Variants in APBB2 observed in about 807,000 individuals in gnomAD.
APBB2 encodes the protein amyloid beta precursor protein binding family B member 2.
APBB2 carries 38 observed loss-of-function variants against 82.5 expected under a neutral mutation model. The observed-to-expected ratio is 0.46, with a 90% CI of 0.36 to 0.60. The LOEUF (loss-of-function observed/expected upper bound fraction) is 0.60, where lower values mean the gene tolerates loss of function less well. APBB2 is among the 20% of genes least tolerant of loss of function. APBB2 has a pLI of 0.00. For missense variants in APBB2, 772 were observed against 972.3 expected (o/e 0.79, Z 2.74); for synonymous variants, 341 against 368.2 (o/e 0.93, Z 0.85).
chr4:40,879,133 G>A (rs910730125), intron 12 of APBB2, among the ~76,000 whole-genome samples: 4 of 148,168 alleles, frequency 2.7e-5, no homozygotes, highest in Admixed American at 6.8e-5. Context: ...GTGCTGCTCC[G>A]AGGGACTGCA....
chr4:41,021,228 T>A (rs1406726048), intron 5 of APBB2, among the ~76,000 whole-genome samples: 1 of 152,100 alleles, frequency 6.6e-6, no homozygotes, highest in African/African-American at 2.4e-5. Flanking sequence ...CCTAAAGAGT[T>A]CCCCTCTGGA....
chr4:41,207,833 T>C (rs1228168557), intron 1 of APBB2: 1 of 152,154 alleles, frequency 6.6e-6, no homozygotes, highest in African/African-American at 2.4e-5. Flanking sequence ...ATTCCCAGAC[T>C]TACCAATTTC....
chr4:41,060,462 G>T (rs1729414524), intron 4 of APBB2, among the ~76,000 whole-genome samples: 1 of 152,070 alleles, frequency 6.6e-6, no homozygotes, highest in African/African-American at 2.4e-5. Context: ...CTCAGTCGTG[G>T]CTGGCACAGG....
At chr4:41,151,819 A>G (rs1056818935) in intron 1 of APBB2, among the ~76,000 whole-genome samples, 5 of 150,714 alleles carry the variant, frequency 3.3e-5, no homozygotes, top group Non-Finnish European at 7.4e-5. Flanking sequence ...TCTAGTATGA[A>G]TTTTTTTATT....
chr4:40,901,441 G>C (rs1252432408), intron 10 of APBB2, among the ~76,000 whole-genome samples: 1 of 152,066 alleles, frequency 6.6e-6, no homozygotes, highest in East Asian at 1.9e-4. Context: ...AGAGCCTGGT[G>C]GGGGTGGGGG....
At chr4:41,029,378 A>C (rs1352798285) in intron 5 of APBB2, among the ~76,000 whole-genome samples, 1 of 152,248 alleles carries the variant, frequency 6.6e-6, no homozygotes, top group African/African-American at 2.4e-5. Context: ...GTTATCAATA[A>C]GGCAGCTTGG....
intron 12 of APBB2, among the ~76,000 whole-genome samples, chr4:40,870,796 G>C (rs143814671): frequency 6.8e-6 from 1 of 146,934 alleles, no homozygotes; most frequent in East Asian, 2.0e-4. Context: ...GCAGTGGCAC[G>C]ATCCCGGCTC....
intron 6 of APBB2, among the ~76,000 whole-genome samples, chr4:40,998,727 A>G (rs11947331): frequency 0.042 from 6,371 of 152,322 alleles, 272 homozygotes; most frequent in African/African-American, 0.11. Flanking sequence ...TGGCATATCT[A>G]AATTGCCAGC....
At chr4:41,164,507 T>C (rs1016888591) in intron 1 of APBB2, among the ~76,000 whole-genome samples, 1 of 152,186 alleles carries the variant, frequency 6.6e-6, no homozygotes, top group Non-Finnish European at 1.5e-5. Flanking sequence ...AGATACATAA[T>C]TTCCCTTTTA....
intron 6 of APBB2, among the ~76,000 whole-genome samples, chr4:41,008,547 A>G (rs1807428685): frequency 6.6e-6 from 1 of 152,250 alleles, no homozygotes; most frequent in Non-Finnish European, 1.5e-5. Flanking sequence ...AGGTCCAGAA[A>G]GTCGTAACTC....
chr4:41,017,141 C>T (rs1340313245), intron 5 of APBB2, among the ~76,000 whole-genome samples: 1 of 152,170 alleles, frequency 6.6e-6, no homozygotes, highest in Non-Finnish European at 1.5e-5. Context: ...AAGTAATCCT[C>T]CTACCTCAGC....
intron 10 of APBB2, among the ~76,000 whole-genome samples, chr4:40,930,420 AGTGTGTGTGTGTGT>A (rs566261600): frequency 6.9e-6 from 1 of 145,890 alleles, no homozygotes; most frequent in Non-Finnish European, 1.5e-5. Flanking sequence ...TCTTTGGGGA[AGTGTGTGTGTGTGT>A]GTGTGTGTGT....
chr4:41,002,890 C>G (rs931256572), intron 6 of APBB2, among the ~76,000 whole-genome samples: 6 of 134,880 alleles, frequency 4.4e-5, no homozygotes, highest in African/African-American at 1.7e-4. Flanking sequence ...ATTTTATATT[C>G]TGCATAGCTC....
At chr4:40,944,818 A>G in intron 7 of APBB2, 47 bp downstream of exon 7, 1 of 1,586,834 alleles carries the variant, frequency 6.3e-7, no homozygotes, top group Non-Finnish European at 8.6e-7. Context: ...GAGAAACCAC[A>G]AGTTACATCT....
chr4:41,156,745 T>C (rs1763554151), intron 1 of APBB2, among the ~76,000 whole-genome samples: 1 of 152,098 alleles, frequency 6.6e-6, no homozygotes, highest in South Asian at 2.1e-4. Flanking sequence ...CATCATTTAA[T>C]ATTCTGAGTC....
intron 1 of APBB2, among the ~76,000 whole-genome samples, chr4:41,203,935 A>G (rs1417227016): frequency 6.6e-6 from 1 of 152,242 alleles, no homozygotes; most frequent in Non-Finnish European, 1.5e-5. Flanking sequence ...CTTAACAAAC[A>G]TGCTTTTCAA....
At chr4:41,197,205 T>C in intron 1 of APBB2, among the ~76,000 whole-genome samples, 1 of 152,120 alleles carries the variant, frequency 6.6e-6, no homozygotes, top group African/African-American at 2.4e-5. Flanking sequence ...GCTCGAACAA[T>C]ATGCATGTTA....
intron 10 of APBB2, among the ~76,000 whole-genome samples, chr4:40,897,577 G>A (rs1390185119): frequency 2.0e-5 from 3 of 152,078 alleles, no homozygotes; most frequent in Non-Finnish European, 4.4e-5. Context: ...TATTACTATA[G>A]TGAGTTTATT....
At chr4:41,125,062 C>T (rs1362600389) in intron 2 of APBB2, among the ~76,000 whole-genome samples, 1 of 152,186 alleles carries the variant, frequency 6.6e-6, no homozygotes, top group Non-Finnish European at 1.5e-5. Flanking sequence ...CAAACACACC[C>T]TGTTGTGTGG....
Sources: gnomAD v4.1 joint callset for allele counts (sites outside exome capture counted in the v4.1 genomes callset) on GRCh38, gnomAD v4.1.1 for gene constraint, MANE v1.5 for transcripts, NCBI Gene and HGNC (gene_info 2026-07-23, HGNC 2026-07-21) for gene names.